TYRO3: variants seen among roughly 807,000 people sequenced by gnomAD.
TYRO3 encodes tyrosine-protein kinase receptor TYRO3.
In TYRO3, 38 loss-of-function variants were observed where a neutral mutation model predicts 95.2. That is an observed-to-expected ratio of 0.40 (90% CI 0.31 to 0.52). The LOEUF (loss-of-function observed/expected upper bound fraction) is 0.52. TYRO3 is among the 20% of genes least tolerant of loss of function. TYRO3 has a pLI of 0.56. For synonymous variants in TYRO3, 367 were observed against 432.9 expected, an observed-to-expected ratio of 0.85 and a Z score of 1.89; for missense variants, 812 against 1,116.4, an observed-to-expected ratio of 0.73 and a Z score of 3.89.
chr15:41,559,412 C>T, intron 1 of TYRO3, 31 bp downstream of exon 1: 1 of 151,222 alleles, frequency 6.6e-6, no homozygotes, highest in East Asian at 9.9e-5. Flanking sequence ...CGGCGGGAAG[C>T]GGGGGGCTGC....
Position 41,570,290 on chromosome 15 carries a change from G to A in TYRO3, c.1433G>A (p.Arg478Gln), listed in dbSNP as rs746161062. 36 of 1,614,016 alleles carry A rather than the reference G, an allele frequency of 2.2e-5. No homozygotes were observed. Among genetic ancestry groups the A allele is most frequent in the East Asian group, 6.7e-5 (3 of 44,890 alleles). Residue 478 changes from arginine to glutamine, a missense_variant, in exon 11 of 19, where the codon CGG becomes CAG. Coordinates refer to ENST00000263798, the MANE Select transcript of TYRO3 (RefSeq NM_006293.4). The part of the protein sequence containing the change: ...MARGEPAVHF[R>Q]AARSFNRERP... ...CGGGGAGAGCCAGCCGTTCACTTCC[G>A]GGCAGCCCGGTCCTTCAATCGAGAA...
In TYRO3 at chr15:41,571,686, TG is replaced by T; in HGVS notation, c.1753+1del. On this transcript the variant is annotated frameshift_variant and splice_region_variant, in exon 14 of 19. Coordinates refer to ENST00000263798, the MANE Select transcript of TYRO3 (RefSeq NM_006293.4). LOFTEE classifies it high-confidence loss of function. ...FDHPHVAKLV[G>X]VSLRSRAKGR... ...ACCATCCACACGTGGCCAAACTTGT[TG>T]GTGAGCCCATTTTTGGGGGAGGCAG... 1 of 1,596,412 alleles carries T rather than the reference TG, an allele frequency of 6.3e-7. No individual in the cohort carries two copies. The highest frequency in any genetic ancestry group is 8.6e-7 in the Non-Finnish European group (1 of 1,164,448).
In TYRO3 at chr15:41,580,114, G is replaced by A. The variant is rs1453106148; in HGVS notation, c.*1838G>A. On this transcript the variant is annotated 3_prime_UTR_variant, in exon 19 of 19. Coordinates refer to ENST00000263798, the MANE Select transcript of TYRO3 (RefSeq NM_006293.4). ...GGACGTTCTTCTTTGTGCTTTCCAA[G>A]TTTTCTGCATTGAGCACAAAATGCT... 1 of 152,034 alleles carries A rather than the reference G, an allele frequency of 6.6e-6. No individual in the cohort carries two copies. The highest frequency in any genetic ancestry group is 2.4e-5 in the African/African-American group (1 of 41,394). The allele number at this position is 152,034 out of a possible 1,614,324, so 9.4% of individuals were successfully genotyped here. A position where few individuals can be genotyped will look rare whatever the true frequency, so the allele number is the denominator to read the frequency against.
At chr15:41,564,315 T>C (rs1451729062) in intron 5 of TYRO3, 45 bp downstream of exon 5, 1 of 1,571,146 alleles carries the variant, frequency 6.4e-7, no homozygotes, top group Non-Finnish European at 8.8e-7. Context: ...GCCAGGGGCA[T>C]TCCCAGCGAG....
intron 1 of TYRO3, among the ~76,000 whole-genome samples, chr15:41,560,908 C>T (rs35679807): frequency 6.6e-6 from 1 of 152,094 alleles, no homozygotes; most frequent in Non-Finnish European, 1.5e-5. Context: ...GGGAAGAGGT[C>T]CTTAGAGCCG....
rs973701594 is a variant in TYRO3 at position 41,581,391 on chromosome 15, C to T, written c.*3115C>T. The T allele has an allele frequency of 6.5e-6, 1 of 153,202 alleles. No homozygotes were observed. Among genetic ancestry groups the T allele is most frequent in the Admixed American group, 6.6e-5 (1 of 15,244 alleles). The allele number at this position is 153,202 out of a possible 1,614,324, so 9.5% of individuals were successfully genotyped here. On this transcript the variant is annotated 3_prime_UTR_variant, in exon 19 of 19. Coordinates refer to ENST00000263798, the MANE Select transcript of TYRO3 (RefSeq NM_006293.4). ...TCCTGAAAAACCTGTTGCTGGTACT[C>T]CAAATTCTGGTTCCCATGTAGATCA...
At chr15:41,572,391 GA>G in intron 14 of TYRO3, 51 bp from the exon 15 acceptor site, 5 of 1,593,036 alleles carry the variant, frequency 3.1e-6, no homozygotes, top group Non-Finnish European at 4.3e-6. Context: ...GCAGACACCT[GA>G]ACTGCCCCTT....
At chr15:41,573,924 T>G in intron 18 of TYRO3, 109 bp downstream of exon 18, 1 of 1,270,894 alleles carries the variant, frequency 7.9e-7, no homozygotes, top group Non-Finnish European at 1.1e-6. Context: ...GATAGAAACA[T>G]CCTTGTAGTT....
chr15:41,570,310 C>A lies in TYRO3; in HGVS notation c.1453C>A (p.Arg485=), dbSNP rs776839937. The A allele has an allele frequency of 1.2e-5, 19 of 1,614,092 alleles. No homozygotes were observed. The highest frequency in any genetic ancestry group is 3.3e-5 in the Admixed American group (2 of 60,024). ...VHFRAARSFN[R]ERPERIEATL... ...CTTCCGGGCAGCCCGGTCCTTCAAT[C>A]GAGAAAGGCCCGAGCGCATCGAGGC... The change falls in exon 11 of 19, where the codon CGA becomes AGA. Residue 485 remains arginine, a synonymous_variant. Coordinates refer to ENST00000263798, the MANE Select transcript of TYRO3 (RefSeq NM_006293.4).
At position 41,567,489 on chromosome 15, in the gene TYRO3, G is replaced by A; in HGVS notation, c.913G>A (p.Gly305Arg). The stretch of plus-strand genomic sequence containing the variant: ...CAGGGTGCGCTGTGCCAATGCCTTG[G>A]GGCCCTCTCCCTATGCTGACTGGGT... ...SLRVRCANAL[G>R]PSPYADWVPF... Residue 305 changes from glycine (G) to arginine (R), a missense_variant, in exon 7 of 19, where the codon GGG becomes AGG. By Grantham distance (125) the Gly-to-Arg change is moderately radical. Transcript: ENST00000263798. 6.2e-7 allele frequency: 1 copy of A among 1,603,218 alleles called. No individual in the cohort carries two copies. Among genetic ancestry groups the A allele is most frequent in the Non-Finnish European group, 8.5e-7 (1 of 1,175,850 alleles).
rs115125334 is a variant in TYRO3, at chr15:41,570,468, G to A, written c.1483+128G>A. ...GAGCCCCAGGCACACAAATCTGCCT[G>A]TGTGGAGTTCACCACCCCAGCCGTG... On this transcript the variant is annotated intron_variant, in intron 11 of 18. Coordinates refer to ENST00000263798, the MANE Select transcript of TYRO3 (RefSeq NM_006293.4). 5.2e-4 allele frequency: 724 copies of A among 1,388,384 alleles called. 4 individuals are homozygous for A. The African/African-American group carries it at 8.9e-3, about 17-fold the overall frequency. 86.0% of individuals were successfully genotyped at this position (1,388,384 alleles called of 1,614,324 possible).
chr15:41,562,113 A>G (rs1166099280), intron 3 of TYRO3: 7 of 179,522 alleles, frequency 3.9e-5, no homozygotes, highest in Non-Finnish European at 8.0e-5. Flanking sequence ...CCCCTCTCCC[A>G]GCTCTCCACC....
rs2055937454 is a variant in TYRO3, at chr15:41,582,997, G to GTTTCTTTTTTTTTT, written c.*4724_*4725insCTTTTTTTTTTTTT. On this transcript the variant is annotated 3_prime_UTR_variant, in exon 19 of 19. Transcript: ENST00000263798. The stretch of plus-strand genomic sequence containing the variant: ...CACTGCACCTGGCAAATTTTTAAGT[G>GTTTCTTTTTTTTTT]TTTTTTTTTTTTTTTAATACAGAGC... 9.4e-6 allele frequency: 1 copy of GTTTCTTTTTTTTTT among 106,110 alleles called. No homozygotes were observed. Among genetic ancestry groups the GTTTCTTTTTTTTTT allele is most frequent in the African/African-American group, 3.6e-5 (1 of 27,930 alleles). The allele number at this position is 106,110 out of a possible 1,614,324, so 6.6% of individuals were successfully genotyped here. A position where few individuals can be genotyped will look rare whatever the true frequency, so the allele number is the denominator to read the frequency against.
chr15:41,577,723 A>AT (rs2055877248), intron 18 of TYRO3, 163 bp from the exon 19 acceptor site: 1 of 667,132 alleles, frequency 1.5e-6, no homozygotes, highest in Admixed American at 3.0e-5. Context: ...CTGGGCTCAA[A>AT]TAATACCCCC....
intron 12 of TYRO3, 59 bp from the exon 13 acceptor site, chr15:41,570,979 G>A: frequency 6.4e-7 from 1 of 1,560,120 alleles, no homozygotes; most frequent in Non-Finnish European, 8.8e-7. Flanking sequence ...CACTTGGGAG[G>A]AAGGTTGGCA....
In TYRO3 at chr15:41,567,349, C is replaced by T; in HGVS notation, c.784-11C>T. The T allele has an allele frequency of 7.1e-7, 1 of 1,414,078 alleles. No individual in the cohort carries two copies. The highest frequency in any genetic ancestry group is 9.4e-7 in the Non-Finnish European group (1 of 1,064,366). The allele number at this position is 1,414,078 out of a possible 1,614,324, so 87.6% of individuals were successfully genotyped here. A position where few individuals can be genotyped will look rare whatever the true frequency, so the allele number is the denominator to read the frequency against. ...TCTCCCCTACATCATTAGTTTTCTG[C>T]TTTTCTGTAGGTGACACAGGCCCCA... is the stretch of plus-strand genomic sequence containing the variant. On this transcript the variant is annotated splice_polypyrimidine_tract_variant and intron_variant, in intron 6 of 18. Coordinates refer to ENST00000263798, the MANE Select transcript of TYRO3 (RefSeq NM_006293.4).
Position 41,570,339 on chromosome 15 carries a change from A to T in TYRO3, c.1482A>T (p.Thr494=). 2 of 1,613,788 alleles carry T rather than the reference A, an allele frequency of 1.2e-6. No homozygotes were observed. The highest frequency in any genetic ancestry group is 2.2e-5 in the East Asian group (1 of 44,866). The change falls in exon 11 of 19, where the codon ACA becomes ACT. Residue 494 remains threonine (T), a splice_region_variant and synonymous_variant. Transcript: ENST00000263798. ...NRERPERIEA[T]LDSLGISDEL... ...AAAGGCCCGAGCGCATCGAGGCCAC[A>T]TGTGAGTGGTGGGTGATCGTGGGAA...
intron 11 of TYRO3, 101 bp downstream of exon 11, chr15:41,570,441 G>C (rs139310063): frequency 1.4e-6 from 2 of 1,448,954 alleles, no homozygotes; most frequent in Non-Finnish European, 1.9e-6. Flanking sequence ...CTGAACATCA[G>C]TGAGCCCCAG....
At chr15:41,570,903 T>G in intron 12 of TYRO3, 135 bp from the exon 13 acceptor site, 1 of 1,027,544 alleles carries the variant, frequency 9.7e-7, no homozygotes, top group Non-Finnish European at 1.5e-6. Flanking sequence ...GCTCTTGCTT[T>G]GGCTACTGGC....
Sources: allele counts gnomAD v4.1 joint callset (sites outside exome capture counted in the v4.1 genomes callset), GRCh38; gene constraint gnomAD v4.1.1; transcripts MANE v1.5; gene names NCBI Gene and HGNC (gene_info 2026-07-23, HGNC 2026-07-21).